Variants in ELMO1 observed in about 807,000 individuals in gnomAD.
The protein encoded by ELMO1 is engulfment and cell motility 1.
A neutral mutation model predicts 98.9 loss-of-function variants in ELMO1; 26 were observed. The observed-to-expected ratio is 0.26, with a 90% CI of 0.19 to 0.36. The LOEUF (loss-of-function observed/expected upper bound fraction) is 0.36. Ranked by LOEUF, ELMO1 falls within the 10% of genes least tolerant of loss-of-function variation. The probability of loss-of-function intolerance (pLI) is 1.00; values close to 1 mark genes in which losing one functional copy is unlikely to be tolerated. For synonymous variants in ELMO1, 346 were observed against 346.0 expected (o/e 1.00, Z 0.00); for missense variants, 627 against 935.2 (o/e 0.67, Z 4.30).
intron 15 of ELMO1, among the ~76,000 whole-genome samples, chr7:37,087,649 C>G (rs1462059986): frequency 2.0e-5 from 3 of 152,104 alleles, no homozygotes; most frequent in African/African-American, 7.2e-5. Flanking sequence ...ATATTTGAGC[C>G]AAATTCAGTG....
At chr7:37,149,311 C>T (rs1788204877) in intron 13 of ELMO1, among the ~76,000 whole-genome samples, 2 of 152,044 alleles carry the variant, frequency 1.3e-5, no homozygotes, top group African/African-American at 4.8e-5. Flanking sequence ...TAGATGGTGA[C>T]GATGGTGATA....
At chr7:37,364,935 T>C (rs2131338176) in intron 1 of ELMO1, among the ~76,000 whole-genome samples, 1 of 152,342 alleles carries the variant, frequency 6.6e-6, no homozygotes, top group African/African-American at 2.4e-5. Flanking sequence ...AAAATGCCAT[T>C]ATATTTGACA....
intron 18 of ELMO1, among the ~76,000 whole-genome samples, chr7:36,882,186 T>C (rs968516269): frequency 6.6e-6 from 1 of 152,228 alleles, no homozygotes; most frequent in Non-Finnish European, 1.5e-5. Flanking sequence ...CTAAGAGTCC[T>C]GTATTAGGGA....
At chr7:37,035,881 A>G (rs563935889) in intron 15 of ELMO1, among the ~76,000 whole-genome samples, 59 of 152,228 alleles carry the variant, frequency 3.9e-4, no homozygotes, top group Non-Finnish European at 7.2e-4. Flanking sequence ...CACCAAAAGG[A>G]GATGGCTATG....
At position 37,133,117 on chromosome 7, in the gene ELMO1, G is replaced by T. The variant is rs118039727; in HGVS notation, c.1191+13C>A. The T allele has an allele frequency of 0.012, 19,554 of 1,595,348 alleles. 229 individuals carry two copies. Among genetic ancestry groups the T allele is most frequent in the Admixed American group, 0.057 (3,283 of 57,820 alleles). On this transcript the variant is annotated intron_variant, in intron 14 of 21. Transcript: ENST00000310758. The stretch of plus-strand genomic sequence containing the variant: ...GGAAACACACAATATCTGAAAAGGG[G>T]CTTCTTGCTTACCCGGATGTAGGCA...
chr7:36,894,733 T>C, intron 17 of ELMO1, 121 bp downstream of exon 17: 1 of 1,221,150 alleles, frequency 8.2e-7, no homozygotes, highest in East Asian at 2.4e-5. Context: ...ATACTTGGAA[T>C]GTCTTCTGCT....
intron 1 of ELMO1, among the ~76,000 whole-genome samples, chr7:37,361,395 G>C (rs548717706): frequency 2.0e-5 from 3 of 152,172 alleles, no homozygotes; most frequent in Admixed American, 2.0e-4. Context: ...TAGCTTATGG[G>C]CCAAATCCGG....
chr7:36,973,919 A>T (rs1048171710), intron 16 of ELMO1, among the ~76,000 whole-genome samples: 1 of 152,236 alleles, frequency 6.6e-6, no homozygotes, highest in African/African-American at 2.4e-5. Flanking sequence ...GTCCCCCAGC[A>T]GTGCCAGCCC....
chr7:37,277,159 T>C lies in ELMO1; in HGVS notation c.193-5277A>G, dbSNP rs1796884375. Among the ~76,000 whole-genome samples, 3 of 152,230 alleles carry C rather than the reference T, an allele frequency of 2.0e-5. No homozygotes were observed. In the South Asian group the frequency reaches 6.2e-4, roughly 31 times the overall value. On this transcript the variant is annotated intron_variant, in intron 4 of 21. Coordinates refer to ENST00000310758, the MANE Select transcript of ELMO1 (RefSeq NM_014800.11). Reference sequence around the variant, plus strand: ...TGAGGCACCAAGGCAGATACAAAGTTAAACAGGACTAATTCCTGTCCGCTG... The same window carrying C: ...TGAGGCACCAAGGCAGATACAAAGTCAAACAGGACTAATTCCTGTCCGCTG...
intron 16 of ELMO1, among the ~76,000 whole-genome samples, chr7:36,899,277 A>G (rs1806297284): frequency 6.6e-6 from 1 of 152,136 alleles, no homozygotes; most frequent in Non-Finnish European, 1.5e-5. Context: ...AAGGAATTTG[A>G]TAATATAAAG....
At chr7:37,113,907 T>C (rs1785404659) in intron 14 of ELMO1, among the ~76,000 whole-genome samples, 1 of 152,178 alleles carries the variant, frequency 6.6e-6, no homozygotes, top group African/African-American at 2.4e-5. Context: ...ACCCTGCCAG[T>C]AGCTAGATTT....
intron 16 of ELMO1, among the ~76,000 whole-genome samples, chr7:36,958,768 G>GT (rs1396078671): frequency 2.6e-5 from 4 of 151,804 alleles, no homozygotes; most frequent in East Asian, 1.9e-4. Context: ...CCCTTGCTAG[G>GT]TTTTTTTCAT....
chr7:37,147,474 T>G (rs1216933625), intron 13 of ELMO1, among the ~76,000 whole-genome samples: 1 of 152,146 alleles, frequency 6.6e-6, no homozygotes, highest in Non-Finnish European at 1.5e-5. Flanking sequence ...TCAATGAAGC[T>G]CTAAGACCAC....
At chr7:37,428,140 T>C (rs897265049) in intron 1 of ELMO1, among the ~76,000 whole-genome samples, 2 of 151,994 alleles carry the variant, frequency 1.3e-5, no homozygotes, top group Admixed American at 6.6e-5. Context: ...GTATTATTAA[T>C]ATCATAAACC....
At chr7:37,372,851 C>G (rs1003409062) in intron 1 of ELMO1, among the ~76,000 whole-genome samples, 3 of 152,290 alleles carry the variant, frequency 2.0e-5, no homozygotes, top group Middle Eastern at 3.4e-3. Context: ...TCACCATTAT[C>G]TATTTTTCCA....
At chr7:37,040,802 C>T (rs1030216284) in intron 15 of ELMO1, among the ~76,000 whole-genome samples, 52 of 152,094 alleles carry the variant, frequency 3.4e-4, no homozygotes, top group African/African-American at 1.2e-3. Flanking sequence ...TGGGGCTGGG[C>T]GTGGCAGCTC....
At chr7:37,448,452 A>G (rs866842343) in intron 1 of ELMO1, among the ~76,000 whole-genome samples, 19 of 150,750 alleles carry the variant, frequency 1.3e-4, no homozygotes, top group Middle Eastern at 6.8e-3. Context: ...GACTTCCCCA[A>G]CTGCAGAGCG....
At chr7:37,245,638 C>T (rs531055196) in intron 6 of ELMO1, among the ~76,000 whole-genome samples, 72 of 152,036 alleles carry the variant, frequency 4.7e-4, no homozygotes, top group African/African-American at 1.5e-3. Flanking sequence ...AAGGGTGAGA[C>T]GGGGAGGCAG....
At chr7:37,163,549 G>A (rs1789387667) in intron 13 of ELMO1, among the ~76,000 whole-genome samples, 2 of 138,398 alleles carry the variant, frequency 1.4e-5, no homozygotes, top group African/African-American at 5.3e-5. Context: ...TGTGTCCATT[G>A]ATCTCATTGT....
Sources: allele counts gnomAD v4.1 joint callset (sites outside exome capture counted in the v4.1 genomes callset), GRCh38; gene constraint gnomAD v4.1.1; transcripts MANE v1.5; gene names NCBI Gene and HGNC (gene_info 2026-07-23, HGNC 2026-07-21).